Variants in MPHOSPH6 observed in about 807,000 individuals in gnomAD.
The protein encoded by MPHOSPH6 is M-phase phosphoprotein 6.
In MPHOSPH6, 25 loss-of-function variants were observed where a neutral mutation model predicts 21.8. That is an observed-to-expected ratio of 1.15 (90% CI 0.83 to 1.60). The LOEUF (loss-of-function observed/expected upper bound fraction) is 1.60. Among genes scored for constraint, MPHOSPH6 ranks in the 40% most tolerant of loss-of-function variants. The probability of loss-of-function intolerance (pLI) is 0.00; values close to 1 mark genes in which losing one functional copy is unlikely to be tolerated. For missense variants in MPHOSPH6, 269 were observed against 181.8 expected, an observed-to-expected ratio of 1.48 and a Z score of -2.76; for synonymous variants, 84 against 56.5, an observed-to-expected ratio of 1.49 and a Z score of -2.18.
intron 2 of MPHOSPH6, among the ~76,000 whole-genome samples, chr16:82,161,075 C>G (rs1906592494): frequency 6.6e-6 from 1 of 152,206 alleles, no homozygotes; most frequent in South Asian, 2.1e-4. Flanking sequence ...TTCTTCACAA[C>G]TTTCCACTCT....
intron 1 of MPHOSPH6, 43 bp downstream of exon 1, chr16:82,170,082 G>C (rs779884456): frequency 1.9e-6 from 3 of 1,565,534 alleles, no homozygotes; most frequent in South Asian, 2.3e-5. Flanking sequence ...GGAAGGACCG[G>C]GTGCCCCTAC....
At chr16:82,160,624 G>A (rs1222211154) in intron 2 of MPHOSPH6, among the ~76,000 whole-genome samples, 2 of 152,208 alleles carry the variant, frequency 1.3e-5, no homozygotes, top group African/African-American at 4.8e-5. Context: ...CAAGGTTCCA[G>A]TTTTCTAAGC....
At chr16:82,157,868 G>C (rs114092875) in intron 2 of MPHOSPH6, among the ~76,000 whole-genome samples, 1,941 of 152,310 alleles carry the variant, frequency 0.013, 41 homozygotes, top group African/African-American at 0.044. Flanking sequence ...AGCCCCTGCA[G>C]TTGGAATGGA....
intron 2 of MPHOSPH6, among the ~76,000 whole-genome samples, chr16:82,158,588 C>T (rs984078118): frequency 2.0e-5 from 3 of 149,972 alleles, no homozygotes; most frequent in Non-Finnish European, 4.4e-5. Context: ...ATGAATTAGA[C>T]ACTTTTTTTC....
At chr16:82,159,627 C>A (rs1190078442) in intron 2 of MPHOSPH6, among the ~76,000 whole-genome samples, 3 of 152,150 alleles carry the variant, frequency 2.0e-5, no homozygotes, top group Non-Finnish European at 1.5e-5. Context: ...ATGATGGTCT[C>A]GATCTCCTGA....
chr16:82,157,976 A>C (rs943827281), intron 2 of MPHOSPH6, among the ~76,000 whole-genome samples: 1 of 152,220 alleles, frequency 6.6e-6, no homozygotes, highest in South Asian at 2.1e-4. Context: ...GTGCAAAAGC[A>C]ACTCTGGGTA....
rs780365782 is a variant in MPHOSPH6, at chr16:82,148,756, T to G, written c.458A>C (p.Lys153Thr). ...TTAATCCTGGGGCTTTAAGAACATC[T>G]TCTTTGCTTTAATTGGTGTTATGTC... is the stretch of plus-strand genomic sequence containing the variant. ...NGDITPIKAK[K>T]MFLKPQD Residue 153 changes from lysine (K) to threonine (T), a missense_variant, in exon 5 of 5, where the codon AAG becomes ACG. Transcript: ENST00000258169. 21 of 1,614,040 alleles carry G rather than the reference T, an allele frequency of 1.3e-5. No homozygotes were observed. The highest frequency in any genetic ancestry group is 1.2e-5 in the Non-Finnish European group (14 of 1,180,020).
chr16:82,167,089 G>A (rs879357314), intron 1 of MPHOSPH6, among the ~76,000 whole-genome samples: 3 of 150,570 alleles, frequency 2.0e-5, no homozygotes, highest in Non-Finnish European at 4.4e-5. Flanking sequence ...AACACTGGCA[G>A]AGCTGAGTAG....
intron 2 of MPHOSPH6, among the ~76,000 whole-genome samples, chr16:82,152,262 G>A (rs892146573): frequency 6.6e-6 from 1 of 152,102 alleles, no homozygotes; most frequent in African/African-American, 2.4e-5. Context: ...TGGTTACATG[G>A]ATAAGTTCTT....
intron 2 of MPHOSPH6, among the ~76,000 whole-genome samples, chr16:82,152,400 AAAG>A (rs1906292929): frequency 6.6e-6 from 1 of 152,206 alleles, no homozygotes; most frequent in South Asian, 2.1e-4. Context: ...TATAAACACC[AAAG>A]GCTGACCCTG....
At chr16:82,162,280 T>C (rs972452804) in intron 2 of MPHOSPH6, 5 of 152,212 alleles carry the variant, frequency 3.3e-5, no homozygotes, top group Non-Finnish European at 7.3e-5. Flanking sequence ...TCAGAGCCCA[T>C]GTGCTTAATC....
At chr16:82,149,477 A>G in intron 3 of MPHOSPH6, 74 bp from the exon 4 acceptor site, 1 of 1,294,928 alleles carries the variant, frequency 7.7e-7, no homozygotes, top group Non-Finnish European at 1.1e-6. Context: ...ACTTACCTGA[A>G]GGCAGAGAAA....
At chr16:82,164,376 T>C (rs1906698274) in intron 1 of MPHOSPH6, among the ~76,000 whole-genome samples, 182 bp from the exon 2 acceptor site, 1 of 152,230 alleles carries the variant, frequency 6.6e-6, no homozygotes, top group Non-Finnish European at 1.5e-5. Context: ...CACTAGACGA[T>C]GAGGGCTTGT....
intron 2 of MPHOSPH6, among the ~76,000 whole-genome samples, chr16:82,161,990 C>T (rs1906622297): frequency 6.6e-6 from 1 of 152,020 alleles, no homozygotes; most frequent in African/African-American, 2.4e-5. Context: ...ACAACACTAG[C>T]AAAAAAGGAT....
intron 2 of MPHOSPH6, among the ~76,000 whole-genome samples, chr16:82,157,213 C>T (rs1338293889): frequency 6.6e-6 from 1 of 152,166 alleles, no homozygotes; most frequent in Non-Finnish European, 1.5e-5. Context: ...GTTGAACTCT[C>T]ATACTTCCTT....
chr16:82,168,237 C>T (rs1451925415), intron 1 of MPHOSPH6, among the ~76,000 whole-genome samples: 1 of 152,148 alleles, frequency 6.6e-6, no homozygotes, highest in African/African-American at 2.4e-5. Flanking sequence ...CTGCTAAAAT[C>T]TTTCCAATAT....
Position 82,164,108 on chromosome 16 carries a change from C to T in MPHOSPH6, c.138G>A (p.Leu46=). The part of the protein sequence containing the change: ...KKIISEEHWY[L]DLPELKEKES... ...CTTTCTCTTTAAGCTCTGGCAAATCCAAGTACCAGTGCTCTTCACTAATGA... is the reference window on the plus strand; with the variant it reads ...CTTTCTCTTTAAGCTCTGGCAAATCTAAGTACCAGTGCTCTTCACTAATGA... The change falls in exon 2 of 5, where the codon TTG becomes TTA. Residue 46 remains leucine, a synonymous_variant. Transcript: ENST00000258169. 1 of 1,612,688 alleles carries T rather than the reference C, an allele frequency of 6.2e-7. No homozygotes were observed. The highest frequency in any genetic ancestry group is 8.5e-7 in the Non-Finnish European group (1 of 1,179,538).
chr16:82,170,025 C>G (rs1597167583), intron 1 of MPHOSPH6, 100 bp downstream of exon 1: 4 of 1,342,816 alleles, frequency 3.0e-6, no homozygotes, highest in South Asian at 1.4e-5. Context: ...CCTCTGAGGC[C>G]TCTCTGGTGT....
chr16:82,155,050 T>C (rs1299124788), intron 2 of MPHOSPH6, among the ~76,000 whole-genome samples: 4 of 152,230 alleles, frequency 2.6e-5, no homozygotes, highest in African/African-American at 9.6e-5. Flanking sequence ...TACAAGGCTG[T>C]TCTGATATTC....
Sources: gnomAD v4.1 joint callset for allele counts (sites outside exome capture counted in the v4.1 genomes callset) on GRCh38, gnomAD v4.1.1 for gene constraint, MANE v1.5 for transcripts, NCBI Gene and HGNC (gene_info 2026-07-23, HGNC 2026-07-21) for gene names.